Variants in NFATC2 observed in about 807,000 individuals in gnomAD.
The protein encoded by NFATC2 is nuclear factor of activated T cells 2, also known as nuclear factor of activated T-cells, cytoplasmic 2.
A neutral mutation model predicts 87.3 loss-of-function variants in NFATC2; 22 were observed. That is an observed-to-expected ratio of 0.25 (90% CI 0.18 to 0.36). The LOEUF is 0.36. Among genes scored for constraint, NFATC2 ranks in the 10% least tolerant of loss-of-function variants. NFATC2 has a pLI of 1.00. For synonymous variants in NFATC2, 565 were observed against 542.2 expected, an observed-to-expected ratio of 1.04 and a Z score of -0.58; for missense variants, 1,149 against 1,259.1, an observed-to-expected ratio of 0.91 and a Z score of 1.32.
chr20:51,556,877 C>A (rs917353777), intron 1 of NFATC2, among the ~76,000 whole-genome samples: 5 of 152,070 alleles, frequency 3.3e-5, no homozygotes, highest in African/African-American at 1.2e-4. Flanking sequence ...TGATAGAGAG[C>A]CAGAGAGAGG....
chr20:51,427,012 C>T (rs735977), intron 9 of NFATC2, among the ~76,000 whole-genome samples: 1,527 of 152,266 alleles, frequency 0.01, 78 homozygotes, highest in Admixed American at 0.086. Context: ...AGCTGCTATC[C>T]TCACAAGTCA....
intron 9 of NFATC2, among the ~76,000 whole-genome samples, chr20:51,422,989 T>C (rs1035232357): frequency 6.6e-6 from 1 of 151,448 alleles, no homozygotes; most frequent in Non-Finnish European, 1.5e-5. Flanking sequence ...GTAGATTTTT[T>C]AACATTATGA....
chr20:51,549,791 T>C (rs142870438), intron 1 of NFATC2, among the ~76,000 whole-genome samples: 30 of 152,216 alleles, frequency 2.0e-4, no homozygotes, highest in African/African-American at 6.8e-4. Flanking sequence ...GCTCGCTTCA[T>C]GGGATGTGAC....
Position 51,523,130 on chromosome 20 carries a change from C to T in NFATC2, c.1111G>A (p.Val371Ile). ...AGCGGCTTGGGCCAAGTGGGCGGAA[C>T]CAGCAGGATGGATTCTGGAGCCGAG... ...RNSAPESILL[V>I]PPTWPKPLVP... The change falls in exon 2 of 11, where the codon GTT becomes ATT. Residue 371 changes from valine to isoleucine, a missense_variant. Transcript: ENST00000371564. The surrounding 1 kb of genome is among the most constrained non-coding windows in gnomAD (Gnocchi z 6.9). 2 of 1,614,248 alleles carry T rather than the reference C, an allele frequency of 1.2e-6. 1 individual carries two copies. The highest frequency in any genetic ancestry group is 2.2e-5 in the South Asian group (2 of 91,090).
chr20:51,466,578 C>T (rs73271819), intron 5 of NFATC2, among the ~76,000 whole-genome samples: 20,654 of 151,944 alleles, frequency 0.14, 1,641 homozygotes, highest in African/African-American at 0.22. Flanking sequence ...CCACACGATA[C>T]ACAAAAACCA....
chr20:51,481,389 C>T (rs1403185056), intron 3 of NFATC2, among the ~76,000 whole-genome samples: 2 of 148,716 alleles, frequency 1.3e-5, no homozygotes, highest in East Asian at 4.0e-4. Context: ...GTGGCCTGGA[C>T]CAGCCGGATC....
intron 3 of NFATC2, among the ~76,000 whole-genome samples, chr20:51,512,000 T>C (rs1425298548): frequency 6.6e-6 from 1 of 152,224 alleles, no homozygotes; most frequent in Non-Finnish European, 1.5e-5. Context: ...CTTCAGCTCT[T>C]CAGCCACACA....
chr20:51,408,884 A>G (rs1897931061), intron 9 of NFATC2, among the ~76,000 whole-genome samples: 1 of 152,236 alleles, frequency 6.6e-6, no homozygotes, highest in African/African-American at 2.4e-5. Flanking sequence ...TTTCTAATTC[A>G]GCAGGACTGG....
At position 51,524,059 on chromosome 20, in the gene NFATC2, G is replaced by C. The variant is rs1472933557; in HGVS notation, c.182C>G (p.Pro61Arg). The C allele has an allele frequency of 6.7e-7, 1 of 1,501,738 alleles. No individual in the cohort carries two copies. Among genetic ancestry groups the C allele is most frequent in the South Asian group, 1.4e-5 (1 of 72,154 alleles). 93.0% of individuals were successfully genotyped at this position (1,501,738 alleles called of 1,614,324 possible). A position where few individuals can be genotyped will look rare whatever the true frequency, so the allele number is the denominator to read the frequency against. The change falls in exon 2 of 11, where the codon CCC (proline) becomes CGC (arginine). Residue 61 changes from proline (P) to arginine (R), a missense_variant. By Grantham distance (103) the Pro-to-Arg change is moderately radical. This residue lies in a region of NFATC2 where 563 missense variants were observed against 585.2 expected (regional missense o/e 0.96). Coordinates refer to ENST00000371564, the MANE Select transcript of NFATC2 (RefSeq NM_012340.5). The surrounding 1 kb of genome is among the most constrained non-coding windows in gnomAD (Gnocchi z 4.0). ...GAGGCCATAGTCCAGGACATCATCG[G>C]GGTATGCGGGTCCGGAGGGTGGGCT... ...VASPPSGPAY[P>R]DDVLDYGLKP... is the part of the protein sequence containing the mutation.
At chr20:51,454,403 C>T in intron 6 of NFATC2, 145 bp downstream of exon 6, 5 of 757,784 alleles carry the variant, frequency 6.6e-6, no homozygotes, top group Non-Finnish European at 1.1e-5. Context: ...CCATCACAAT[C>T]CCTGAAGACA....
rs141790096 is a variant in NFATC2 at position 51,511,275 on chromosome 20, T to C, written c.1332+5509A>G. Among the ~76,000 whole-genome samples, 738 of 152,338 alleles carry C rather than the reference T, an allele frequency of 4.8e-3. 3 individuals are homozygous for C. The highest frequency in any genetic ancestry group is 8.4e-3 in the Non-Finnish European group (569 of 68,032). ...CCCTCCTGGGCTTGTCTGTTTGTGA[T>C]CTTGTTTATACAGTCTCTTCTTTGC... On this transcript the variant is annotated intron_variant, in intron 3 of 10. Transcript: ENST00000371564.
chr20:51,550,947 C>T (rs1469868554), intron 1 of NFATC2, among the ~76,000 whole-genome samples: 2 of 152,196 alleles, frequency 1.3e-5, no homozygotes, highest in East Asian at 3.9e-4. Context: ...ACATTTTCAT[C>T]ATGAACTCCA....
At chr20:51,414,884 T>C (rs1372586237) in intron 9 of NFATC2, among the ~76,000 whole-genome samples, 6 of 152,088 alleles carry the variant, frequency 3.9e-5, no homozygotes, top group African/African-American at 1.4e-4. Flanking sequence ...TTTCTGTTTC[T>C]AAATCCTCAT....
chr20:51,437,152 G>T (rs1983710594), intron 6 of NFATC2, among the ~76,000 whole-genome samples: 1 of 148,538 alleles, frequency 6.7e-6, no homozygotes, highest in African/African-American at 2.5e-5. Flanking sequence ...GCAAATAATT[G>T]ATTTCTCTTG....
At chr20:51,421,432 G>A (rs890220416) in intron 9 of NFATC2, among the ~76,000 whole-genome samples, 3 of 152,144 alleles carry the variant, frequency 2.0e-5, no homozygotes, top group Non-Finnish European at 2.9e-5. Flanking sequence ...CAATTCAAAC[G>A]CCTAATGGGT....
chr20:51,526,433 A>T (rs1174840186), intron 1 of NFATC2, among the ~76,000 whole-genome samples: 2 of 152,034 alleles, frequency 1.3e-5, no homozygotes, highest in African/African-American at 4.8e-5. Context: ...CCTTTAGAGA[A>T]TTTTACAACC....
At chr20:51,489,908 C>T (rs1484935383) in intron 3 of NFATC2, among the ~76,000 whole-genome samples, 3 of 152,206 alleles carry the variant, frequency 2.0e-5, no homozygotes, top group Non-Finnish European at 2.9e-5. Context: ...CTGACACACG[C>T]AGGAATGACG....
chr20:51,484,786 C>G (rs779389384), intron 3 of NFATC2, among the ~76,000 whole-genome samples: 13 of 152,222 alleles, frequency 8.5e-5, no homozygotes, highest in Admixed American at 3.3e-4. Flanking sequence ...ACAGAGGTGA[C>G]AGCATCTCCA....
chr20:51,518,045 A>T (rs535932860), intron 2 of NFATC2, among the ~76,000 whole-genome samples: 8 of 152,362 alleles, frequency 5.3e-5, no homozygotes, highest in African/African-American at 1.9e-4. Context: ...GAGGCAGCAC[A>T]TATTTCTTAC....
Sources: gnomAD v4.1 joint callset for allele counts (sites outside exome capture counted in the v4.1 genomes callset) on GRCh38, gnomAD v4.1.1 for gene constraint, gnomAD v4.1.1 regional missense constraint, Gnocchi (gnomAD v3.1) non-coding constraint, MANE v1.5 for transcripts, NCBI Gene and HGNC (gene_info 2026-07-23, HGNC 2026-07-21) for gene names.